Variants in MGAT4C observed in about 807,000 individuals in gnomAD.
MGAT4C encodes the protein MGAT4 family member C.
MGAT4C carries 19 observed loss-of-function variants against 40.1 expected under a neutral mutation model. The observed-to-expected ratio is 0.47, with a 90% CI of 0.33 to 0.70. The LOEUF (loss-of-function observed/expected upper bound fraction) is 0.70. Ranked by LOEUF, MGAT4C falls within the 30% of genes least tolerant of loss-of-function variation. MGAT4C has a pLI of 0.02. For synonymous variants in MGAT4C, 181 were observed against 187.1 expected, an observed-to-expected ratio of 0.97 and a Z score of 0.27; for missense variants, 491 against 563.2, an observed-to-expected ratio of 0.87 and a Z score of 1.30.
At position 86,543,073 on chromosome 12, in the gene MGAT4C, A is replaced by C. The variant is rs1959176173; in HGVS notation, c.-228-107808T>G. Among the ~76,000 whole-genome samples, 3 of 151,938 alleles carry C rather than the reference A, an allele frequency of 2.0e-5. No individual in the cohort carries two copies. In the South Asian group the frequency reaches 6.2e-4, roughly 31 times the overall value. On this transcript the variant is annotated intron_variant, in intron 2 of 7. Transcript: ENST00000548651. ...CCCTACTTCTGTTTAAAGAAATTTT[A>C]TTTTGTTTACTTAGGATTAGTCAAT... is the stretch of plus-strand genomic sequence containing the variant.
chr12:86,002,878 G>T (rs1403766507), intron 2 of MGAT4C, among the ~76,000 whole-genome samples: 3 of 152,022 alleles, frequency 2.0e-5, no homozygotes, highest in Admixed American at 6.6e-5. Flanking sequence ...ACAGCTCACT[G>T]CAGCCTCGGA....
rs79037863 is a variant in MGAT4C at position 86,575,349 on chromosome 12, C to T, written c.-228-140084G>A. On this transcript the variant is annotated intron_variant, in intron 2 of 7. Transcript: ENST00000548651. ...TGGCACCCATTAAACATCCTTACTT[C>T]CCATCCCCAAACCCCAATACCCTTC... 4.0e-3 allele frequency among the ~76,000 whole-genome samples: 601 copies of T among 151,928 alleles called. 2 individuals are homozygous for T. Among genetic ancestry groups the T allele is most frequent in the Non-Finnish European group, 6.2e-3 (423 of 67,850 alleles).
intron 1 of MGAT4C, among the ~76,000 whole-genome samples, chr12:86,235,166 G>A (rs1449996052): frequency 2.0e-5 from 3 of 151,826 alleles, no homozygotes; most frequent in African/African-American, 7.3e-5. Context: ...TGAACTCCGG[G>A]TCTATAGATT....
rs886974950 is a variant in MGAT4C at position 86,306,962 on chromosome 12, A to G, written c.-57+27103T>C. On this transcript the variant is annotated intron_variant, in intron 4 of 7. Transcript: ENST00000548651. ...TTCAGTATGTTTGAAAATTTTCATA[A>G]CAAAATGTTGAAAAATTTTAATAAG... Among the ~76,000 whole-genome samples, 11 of 150,532 alleles carry G rather than the reference A, an allele frequency of 7.3e-5. 1 individual carries two copies. The South Asian group carries it at 1.7e-3, about 23-fold the overall frequency.
chr12:86,653,420 C>CT (rs1041984379), intron 2 of MGAT4C, among the ~76,000 whole-genome samples: 1 of 151,828 alleles, frequency 6.6e-6, no homozygotes, highest in Non-Finnish European at 1.5e-5. Context: ...AATGACAGAG[C>CT]TTTATTCTAT....
At chr12:86,683,737 T>C (rs1406299398) in intron 2 of MGAT4C, among the ~76,000 whole-genome samples, 1 of 152,218 alleles carries the variant, frequency 6.6e-6, no homozygotes, top group Admixed American at 6.5e-5. Context: ...CCACGTTTTT[T>C]TCTCCTAAAG....
At chr12:86,068,774 G>A (rs369055868) in intron 1 of MGAT4C, among the ~76,000 whole-genome samples, 97 of 152,114 alleles carry the variant, frequency 6.4e-4, no homozygotes, top group African/African-American at 2.3e-3. Flanking sequence ...TGCCTCTGAA[G>A]ATCTCTCTCT....
intron 3 of MGAT4C, among the ~76,000 whole-genome samples, chr12:86,396,396 G>T: frequency 8.1e-6 from 1 of 123,908 alleles, no homozygotes; most frequent in East Asian, 2.4e-4. Flanking sequence ...TTGCACAAAG[G>T]CGTGGAGATT....
At chr12:86,704,711 T>C (rs1354333850) in intron 2 of MGAT4C, among the ~76,000 whole-genome samples, 3 of 152,140 alleles carry the variant, frequency 2.0e-5, no homozygotes, top group African/African-American at 4.8e-5. Flanking sequence ...TGGCAACATG[T>C]AGTAAAATTA....
At chr12:86,021,576 C>A (rs536590539) in intron 2 of MGAT4C, among the ~76,000 whole-genome samples, 6 of 120,194 alleles carry the variant, frequency 5.0e-5, no homozygotes, top group Non-Finnish European at 9.6e-5. Flanking sequence ...CATCACACAC[C>A]AGGGCCTGCT....
intron 2 of MGAT4C, among the ~76,000 whole-genome samples, chr12:86,473,808 A>AT (rs1957789213): frequency 6.6e-6 from 1 of 152,188 alleles, no homozygotes; most frequent in African/African-American, 2.4e-5. Flanking sequence ...ATCTTTAATA[A>AT]GTAATTGCAA....
At chr12:86,053,605 C>T (rs1429185858) in intron 1 of MGAT4C, among the ~76,000 whole-genome samples, 1 of 151,748 alleles carries the variant, frequency 6.6e-6, no homozygotes, top group African/African-American at 2.4e-5. Context: ...AATTAGAAAG[C>T]TCTAAACAGC....
intron 1 of MGAT4C, among the ~76,000 whole-genome samples, chr12:86,773,494 T>G (rs960528941): frequency 6.6e-6 from 1 of 152,116 alleles, no homozygotes; most frequent in Non-Finnish European, 1.5e-5. Context: ...CCTAGCAAAC[T>G]AATATAGAAG....
At chr12:86,036,692 G>A (rs1029832589) in intron 2 of MGAT4C, among the ~76,000 whole-genome samples, 2 of 149,818 alleles carry the variant, frequency 1.3e-5, no homozygotes, top group Non-Finnish European at 3.0e-5. Flanking sequence ...TGCTGGATTC[G>A]GTTTCCAGTA....
At chr12:86,327,107 T>C (rs899217449) in intron 4 of MGAT4C, among the ~76,000 whole-genome samples, 1 of 152,156 alleles carries the variant, frequency 6.6e-6, no homozygotes, top group African/African-American at 2.4e-5. Flanking sequence ...AAACAAACTA[T>C]AAAATATGCA....
chr12:86,830,831 T>G (rs1479466529), intron 1 of MGAT4C, among the ~76,000 whole-genome samples: 1 of 151,950 alleles, frequency 6.6e-6, no homozygotes, highest in East Asian at 1.9e-4. Context: ...AGAGGAGCTG[T>G]GAAGGTTTTA....
At chr12:86,177,451 C>T (rs1593153560) in intron 1 of MGAT4C, among the ~76,000 whole-genome samples, 1 of 152,032 alleles carries the variant, frequency 6.6e-6, no homozygotes, top group South Asian at 2.1e-4. Flanking sequence ...GAACTCAAAA[C>T]ATTCACAGAA....
At position 86,101,738 on chromosome 12, in the gene MGAT4C, T is replaced by A. The variant is rs535344566; in HGVS notation, c.-56-52015A>T. ...GTTTGAGAGAAGTGTAGCAGAGATA[T>A]GATTTAGTCTAAATACTCAGAAAAT... On this transcript the variant is annotated intron_variant, in intron 1 of 4. Coordinates refer to ENST00000611864, the MANE Select transcript of MGAT4C (RefSeq NM_001351288.2). 5.9e-5 allele frequency among the ~76,000 whole-genome samples: 9 copies of A among 151,974 alleles called. No individual in the cohort carries two copies. In the South Asian group the frequency reaches 1.9e-3, roughly 31 times the overall value.
intron 2 of MGAT4C, among the ~76,000 whole-genome samples, chr12:86,697,970 T>C (rs1054434100): frequency 6.6e-6 from 1 of 152,144 alleles, no homozygotes; most frequent in Non-Finnish European, 1.5e-5. Context: ...TTCTCTTAAA[T>C]AGATGTATTA....
Sources: allele counts gnomAD v4.1 joint callset (sites outside exome capture counted in the v4.1 genomes callset), GRCh38; gene constraint gnomAD v4.1.1; transcripts MANE v1.5; gene names NCBI Gene and HGNC (gene_info 2026-07-23, HGNC 2026-07-21).